The following CELF2 variants were observed in gnomAD, a reference collection of about 807,000 sequenced individuals.
CELF2 encodes CUG triplet repeat RNA-binding protein 2.
A neutral mutation model predicts 62.6 loss-of-function variants in CELF2; 8 were observed. The ratio of observed to expected loss-of-function variants is 0.13; its 90% CI spans 0.07 to 0.23. CELF2 has a LOEUF of 0.23. Ranked by LOEUF, CELF2 falls within the 10% of genes least tolerant of loss-of-function variation. The pLI is 1.00. For missense variants in CELF2, 333 were observed against 671.0 expected, an observed-to-expected ratio of 0.50 and a Z score of 5.56; for synonymous variants, 258 against 250.0, an observed-to-expected ratio of 1.03 and a Z score of -0.30.
At chr10:11,257,080 C>T (rs940279812) in intron 4 of CELF2, among the ~76,000 whole-genome samples, 15 of 152,150 alleles carry the variant, frequency 9.9e-5, no homozygotes, top group Middle Eastern at 3.4e-3. Context: ...GAACCAGGTG[C>T]GGGACCTGGT....
chr10:10,679,320 C>T, the CELF2 span, among the ~76,000 whole-genome samples: 15 of 152,168 alleles, frequency 9.9e-5, no homozygotes, highest in African/African-American at 3.1e-4. Context: ...GACAAAGTCT[C>T]AATCTCTCTA....
chr10:11,110,476 G>A lies in CELF2; in HGVS notation c.75-55010G>A, dbSNP rs1180984225. 6.6e-6 allele frequency among the ~76,000 whole-genome samples: 1 copy of A among 152,282 alleles called. No individual in the cohort carries two copies. Among genetic ancestry groups the A allele is most frequent in the African/African-American group, 2.4e-5 (1 of 41,552 alleles). On this transcript the variant is annotated intron_variant, in intron 1 of 12. Transcript: ENST00000633077. The surrounding 1 kb of genome is among the most constrained non-coding windows in gnomAD (Gnocchi z 4.0). ...CTACCTAAGTCGGGACAAAGCTTCT[G>A]CTTATTTTTCTGCTTCGTCTAAACA... is the stretch of plus-strand genomic sequence containing the variant.
chr10:11,310,763 A>T (rs934869578), intron 9 of CELF2, among the ~76,000 whole-genome samples: 3 of 151,774 alleles, frequency 2.0e-5, no homozygotes, highest in African/African-American at 7.3e-5. Context: ...AATAGGAGAG[A>T]CTTCTATTTC....
Position 10,955,299 on chromosome 10 carries a change from G to T in CELF2, c.89+35300G>T, listed in dbSNP as rs141701266. Among the ~76,000 whole-genome samples, 444 of 152,362 alleles carry T rather than the reference G, an allele frequency of 2.9e-3. 2 individuals are homozygous for T. The highest frequency in any genetic ancestry group is 0.01 in the African/African-American group (418 of 41,580). ...TGTGTGCTTCCCACTCAACCACACA[G>T]TGCGAGTATGCCTCGCCTGCCTTTG... On this transcript the variant is annotated intron_variant, in intron 2 of 13. Coordinates refer to the CELF2 transcript ENST00000636488.
intron 2 of CELF2, among the ~76,000 whole-genome samples, chr10:11,187,845 T>C (rs1310600164): frequency 6.6e-6 from 1 of 152,244 alleles, no homozygotes; most frequent in Non-Finnish European, 1.5e-5. Context: ...TGTTACAATT[T>C]TGTTTAATTG....
At chr10:10,532,939 A>G in the CELF2 span, among the ~76,000 whole-genome samples, 1 of 151,744 alleles carries the variant, frequency 6.6e-6, no homozygotes, top group South Asian at 2.1e-4. Context: ...TCTTGCAAAT[A>G]TTGGCGGGAG....
the CELF2 span, among the ~76,000 whole-genome samples, chr10:10,651,754 A>T: frequency 2.0e-5 from 3 of 152,068 alleles, no homozygotes; most frequent in African/African-American, 7.2e-5. Flanking sequence ...AAGTAGATAA[A>T]ACCACAAAGA....
the CELF2 span, among the ~76,000 whole-genome samples, chr10:10,675,817 C>G: frequency 6.6e-6 from 1 of 152,170 alleles, no homozygotes; most frequent in African/African-American, 2.4e-5. Context: ...CAGCTTCCTT[C>G]TTAGGATTTC....
intron 2 of CELF2, among the ~76,000 whole-genome samples, chr10:11,188,220 C>T (rs2075463675): frequency 6.6e-6 from 1 of 152,242 alleles, no homozygotes; most frequent in South Asian, 2.1e-4. Context: ...ATTCTCCTGC[C>T]TCAGCCTCCC....
intron 3 of CELF2, among the ~76,000 whole-genome samples, chr10:11,226,632 A>G (rs2066699012): frequency 7.1e-6 from 1 of 140,220 alleles, no homozygotes; most frequent in Non-Finnish European, 1.6e-5. Flanking sequence ...ACACACACAC[A>G]CACACACACA....
intron 1 of CELF2, among the ~76,000 whole-genome samples, chr10:11,087,203 C>T (rs1006311506): frequency 6.6e-5 from 10 of 152,082 alleles, no homozygotes; most frequent in Admixed American, 3.9e-4. Context: ...GGTTTATGGA[C>T]GACCCCAGGA....
intron 4 of CELF2, among the ~76,000 whole-genome samples, chr10:11,254,722 T>C (rs542393722): frequency 6.6e-6 from 1 of 152,330 alleles, no homozygotes; most frequent in South Asian, 2.1e-4. Context: ...TGCTTTTGTT[T>C]AAAAGAACTA....
At chr10:10,679,874 T>C in the CELF2 span, among the ~76,000 whole-genome samples, 2 of 152,226 alleles carry the variant, frequency 1.3e-5, no homozygotes, top group Admixed American at 1.3e-4. Context: ...ATCTCTGGTA[T>C]AGGTGAATGC....
chr10:10,922,423 G>A (rs1032466211), intron 2 of CELF2, among the ~76,000 whole-genome samples: 1 of 152,164 alleles, frequency 6.6e-6, no homozygotes, highest in Non-Finnish European at 1.5e-5. Flanking sequence ...CCAAACTTTT[G>A]TAGAGCAGCT....
chr10:11,065,361 T>C (rs1020002515), intron 1 of CELF2, among the ~76,000 whole-genome samples: 1 of 152,242 alleles, frequency 6.6e-6, no homozygotes, highest in African/African-American at 2.4e-5. Context: ...GATCTGACGG[T>C]AAATTCTTGA....
At chr10:11,236,843 A>G (rs1472969638) in intron 3 of CELF2, among the ~76,000 whole-genome samples, 1 of 152,204 alleles carries the variant, frequency 6.6e-6, no homozygotes, top group South Asian at 2.1e-4. Context: ...CGTTGTGTGG[A>G]TAAACACACA....
the CELF2 span, among the ~76,000 whole-genome samples, chr10:10,790,677 A>T: frequency 6.6e-6 from 1 of 152,152 alleles, no homozygotes; most frequent in Non-Finnish European, 1.5e-5. Flanking sequence ...AAGGATTACC[A>T]ATGAATCTTC....
chr10:10,640,874 A>T, the CELF2 span, among the ~76,000 whole-genome samples: 1 of 152,280 alleles, frequency 6.6e-6, no homozygotes, highest in East Asian at 1.9e-4. Flanking sequence ...ATGACAATGG[A>T]TGGAAACTCC....
At chr10:10,613,707 C>T in the CELF2 span, among the ~76,000 whole-genome samples, 1 of 152,156 alleles carries the variant, frequency 6.6e-6, no homozygotes, top group Admixed American at 6.5e-5. Flanking sequence ...TTTGAAATAA[C>T]TTCTAATCCT....
Sources: gnomAD v4.1 joint callset for allele counts (sites outside exome capture counted in the v4.1 genomes callset) on GRCh38, gnomAD v4.1.1 for gene constraint, Gnocchi (gnomAD v3.1) non-coding constraint, MANE v1.5 for transcripts, NCBI Gene and HGNC (gene_info 2026-07-23, HGNC 2026-07-21) for gene names.